ZNF407: variants seen among roughly 807,000 people sequenced by gnomAD.
The protein encoded by ZNF407 is zinc finger protein 407.
A neutral mutation model predicts 131.2 loss-of-function variants in ZNF407; 17 were observed. The ratio of observed to expected loss-of-function variants is 0.13; its 90% confidence interval spans 0.09 to 0.19. ZNF407 has a LOEUF of 0.19. ZNF407 is among the 10% of genes least tolerant of loss of function. The pLI is 1.00. For missense variants in ZNF407, 2,681 were observed against 2,830.6 expected (o/e 0.95, Z 1.20); for synonymous variants, 1,156 against 1,062.0 (o/e 1.09, Z -1.72).
chr18:74,989,569 C>T (rs943239830), intron 8 of ZNF407, among the ~76,000 whole-genome samples: 6 of 152,074 alleles, frequency 3.9e-5, no homozygotes, highest in African/African-American at 1.4e-4. Flanking sequence ...TGGCTGGGGG[C>T]GGTGGCTCAC....
At chr18:74,978,739 G>A (rs564731495) in intron 8 of ZNF407, among the ~76,000 whole-genome samples, 3 of 152,126 alleles carry the variant, frequency 2.0e-5, no homozygotes, top group South Asian at 4.2e-4. Context: ...TCCTGAAAGC[G>A]AAAAATTGAA....
At chr18:75,030,296 G>T (rs1480446825) in intron 8 of ZNF407, among the ~76,000 whole-genome samples, 3 of 152,208 alleles carry the variant, frequency 2.0e-5, no homozygotes, top group African/African-American at 7.2e-5. Context: ...CAGTTGAAAG[G>T]TATTATACAT....
chr18:75,031,063 G>A (rs1973234236), intron 8 of ZNF407, among the ~76,000 whole-genome samples: 1 of 152,194 alleles, frequency 6.6e-6, no homozygotes. Flanking sequence ...AGCAGCAGGT[G>A]TCATTCCCCC....
At chr18:74,886,991 C>T (rs1971319354) in intron 6 of ZNF407, among the ~76,000 whole-genome samples, 5 of 152,100 alleles carry the variant, frequency 3.3e-5, no homozygotes, top group Admixed American at 3.3e-4. Flanking sequence ...CTAGTGCTTC[C>T]TTTGTGTTTC....
At chr18:74,735,510 A>G (rs1260780493) in intron 3 of ZNF407, among the ~76,000 whole-genome samples, 1 of 152,174 alleles carries the variant, frequency 6.6e-6, no homozygotes, top group Non-Finnish European at 1.5e-5. Flanking sequence ...TTTCCTATCC[A>G]TAACTGTCTA....
At chr18:74,668,021 C>T (rs1599054231) in intron 3 of ZNF407, among the ~76,000 whole-genome samples, 1 of 152,050 alleles carries the variant, frequency 6.6e-6, no homozygotes, top group Non-Finnish European at 1.5e-5. Context: ...ATCTGTGTTC[C>T]TTCCTGTACT....
In ZNF407 at chr18:74,920,637, T is replaced by C. The variant is rs1254788001; in HGVS notation, c.5373T>C (p.His1791=). The C allele has an allele frequency of 3.7e-6, 6 of 1,611,204 alleles. No individual in the cohort carries two copies. Among genetic ancestry groups the C allele is most frequent in the Non-Finnish European group, 5.1e-6 (6 of 1,177,764 alleles). Residue 1791 remains histidine, a synonymous_variant, in exon 8 of 9, where the codon CAT becomes CAC. Coordinates refer to ENST00000299687, the MANE Select transcript of ZNF407 (RefSeq NM_017757.3). ...GTNVPVEFRN[H]LKEQHPDIEN... is the part of the protein sequence containing the mutation. ...ACGTCCCGGTGGAGTTCCGGAACCA[T>C]TTGAAGGAACAGCATCCTGACATCG...
chr18:74,657,443 G>A lies in ZNF407; in HGVS notation c.4802+16321G>A, dbSNP rs1428840164. 3.3e-5 allele frequency among the ~76,000 whole-genome samples: 5 copies of A among 152,054 alleles called. No homozygotes were observed. In the East Asian group the frequency reaches 7.7e-4, roughly 24 times the overall value. On this transcript the variant is annotated intron_variant, in intron 3 of 8. Transcript: ENST00000299687. ...TCCAGAAAATGCATTATTGTGTAGGGAAAAAAAGAGAGAGTGAAAAGGGAA... is the reference window on the plus strand; with the variant it reads ...TCCAGAAAATGCATTATTGTGTAGGAAAAAAAAGAGAGAGTGAAAAGGGAA...
chr18:74,693,751 G>A (rs1004659124), intron 3 of ZNF407, among the ~76,000 whole-genome samples: 5 of 151,596 alleles, frequency 3.3e-5, no homozygotes, highest in Non-Finnish European at 5.9e-5. Flanking sequence ...CTGATCTGTG[G>A]GTGGAATTTT....
intron 4 of ZNF407, among the ~76,000 whole-genome samples, chr18:74,868,039 C>T (rs1246459243): frequency 2.6e-5 from 4 of 152,058 alleles, no homozygotes; most frequent in Admixed American, 1.3e-4. Context: ...TAAAATCCAT[C>T]GTAGTTATAT....
intron 8 of ZNF407, among the ~76,000 whole-genome samples, chr18:75,012,315 A>ACG (rs1972985639): frequency 9.9e-6 from 1 of 100,930 alleles, no homozygotes; most frequent in African/African-American, 3.6e-5. Context: ...CACATAGTGT[A>ACG]TGTACACATA....
At chr18:74,789,968 G>T (rs1377396309) in intron 4 of ZNF407, among the ~76,000 whole-genome samples, 2 of 150,900 alleles carry the variant, frequency 1.3e-5, no homozygotes, top group African/African-American at 4.9e-5. Context: ...TCAAGTCCCA[G>T]TCTGATGCCC....
chr18:75,032,042 T>G (rs1357969635), intron 8 of ZNF407, among the ~76,000 whole-genome samples: 1 of 152,188 alleles, frequency 6.6e-6, no homozygotes, highest in Non-Finnish European at 1.5e-5. Context: ...GCATGAAACT[T>G]TCTATCGTAA....
chr18:74,687,333 G>A (rs1231125944), intron 3 of ZNF407, among the ~76,000 whole-genome samples: 1 of 152,176 alleles, frequency 6.6e-6, no homozygotes. Flanking sequence ...GGGCAACAAA[G>A]TGAGACCCTA....
At chr18:74,836,016 A>T (rs1424310473) in intron 4 of ZNF407, among the ~76,000 whole-genome samples, 1 of 152,100 alleles carries the variant, frequency 6.6e-6, no homozygotes, top group Admixed American at 6.5e-5. Flanking sequence ...TGGAAAAAAA[A>T]AAAAAAAAGA....
intron 7 of ZNF407, among the ~76,000 whole-genome samples, chr18:74,891,993 C>T (rs900718043): frequency 5.9e-5 from 9 of 152,070 alleles, no homozygotes. Flanking sequence ...AGTCTTCAAA[C>T]TTTTATTTTT....
chr18:74,648,196 T>C (rs1207007641), intron 3 of ZNF407, among the ~76,000 whole-genome samples: 1 of 152,136 alleles, frequency 6.6e-6, no homozygotes, highest in African/African-American at 2.4e-5. Flanking sequence ...AACACTTCCT[T>C]GGGCTGGTAA....
At chr18:74,732,769 A>T (rs1459141045) in intron 3 of ZNF407, among the ~76,000 whole-genome samples, 1 of 152,174 alleles carries the variant, frequency 6.6e-6, no homozygotes, top group African/African-American at 2.4e-5. Flanking sequence ...TCTGTCAGAT[A>T]GTTTTTCTAC....
chr18:74,945,275 T>TA (rs916634220), intron 8 of ZNF407, among the ~76,000 whole-genome samples: 21 of 151,602 alleles, frequency 1.4e-4, no homozygotes, highest in African/African-American at 4.4e-4. Context: ...AGTCTTATGC[T>TA]AAAAAAAAAT....
Sources: allele counts gnomAD v4.1 joint callset (sites outside exome capture counted in the v4.1 genomes callset), GRCh38; gene constraint gnomAD v4.1.1; transcripts MANE v1.5; gene names NCBI Gene and HGNC (gene_info 2026-07-23, HGNC 2026-07-21).